The following LPCAT2 variants were observed in gnomAD, a reference collection of about 807,000 sequenced individuals.
LPCAT2 encodes 1-AGP acyltransferase 11.
In LPCAT2, 58 loss-of-function variants were observed where a neutral mutation model predicts 64.7. That is an observed-to-expected ratio of 0.90 (90% CI 0.73 to 1.12). The LOEUF is 1.12. Among genes scored for constraint, LPCAT2 ranks in the 50% most tolerant of loss-of-function variants. The probability of loss-of-function intolerance (pLI) is 0.00; values close to 1 mark genes in which losing one functional copy is unlikely to be tolerated. For synonymous variants in LPCAT2, 252 were observed against 245.3 expected, an observed-to-expected ratio of 1.03 and a Z score of -0.26; for missense variants, 579 against 669.8, an observed-to-expected ratio of 0.86 and a Z score of 1.50.
intron 9 of LPCAT2, among the ~76,000 whole-genome samples, chr16:55,548,057 C>T (rs979757161): frequency 6.6e-6 from 1 of 152,056 alleles, no homozygotes; most frequent in East Asian, 1.9e-4. Context: ...CGTGAGCCAC[C>T]GCACCTGGCC....
At chr16:55,557,794 G>A (rs1466951508) in intron 11 of LPCAT2, among the ~76,000 whole-genome samples, 4 of 152,018 alleles carry the variant, frequency 2.6e-5, no homozygotes, top group African/African-American at 9.7e-5. Flanking sequence ...CTTCCCACCT[G>A]CATTCTTGGT....
intron 12 of LPCAT2, among the ~76,000 whole-genome samples, chr16:55,578,302 T>C (rs527339525): frequency 6.6e-6 from 1 of 152,298 alleles, no homozygotes; most frequent in South Asian, 2.1e-4. Flanking sequence ...AATCTCTTCT[T>C]TACTCCTGGC....
Position 55,567,335 on chromosome 16 carries a change from T to C in LPCAT2, c.1216-7296T>C, listed in dbSNP as rs746031102. 3 of 1,613,632 alleles carry C rather than the reference T, an allele frequency of 1.9e-6. No homozygotes were observed. The South Asian group carries it at 3.3e-5, about 18-fold the overall frequency. On this transcript the variant is annotated intron_variant, in intron 11 of 13. Transcript: ENST00000262134. ...TAAATGAACAACTTTACCAAATGAT[T>C]GTCCGCCGGTATGCTAATGAAGATG...
rs189849545 is a variant in LPCAT2 at position 55,519,283 on chromosome 16, G to A, written c.172-6225G>A. 2.9e-3 allele frequency among the ~76,000 whole-genome samples: 447 copies of A among 151,946 alleles called. 3 individuals carry two copies. Among genetic ancestry groups the A allele is most frequent in the Non-Finnish European group, 2.8e-3 (187 of 67,956 alleles). On this transcript the variant is annotated intron_variant, in intron 1 of 13. Coordinates refer to ENST00000262134, the MANE Select transcript of LPCAT2 (RefSeq NM_017839.5). Reference sequence around the variant, plus strand: ...TGGGAGGCCGAGGTGGGCGGATCACGGGGTCAGGACATTGAGACCATCTTG... The same window carrying A: ...TGGGAGGCCGAGGTGGGCGGATCACAGGGTCAGGACATTGAGACCATCTTG...
intron 11 of LPCAT2, among the ~76,000 whole-genome samples, chr16:55,553,363 T>C (rs1414708806): frequency 1.3e-5 from 2 of 152,232 alleles, no homozygotes; most frequent in African/African-American, 4.8e-5. Context: ...TAAGTTCATG[T>C]AACAGTCTAA....
intron 11 of LPCAT2, among the ~76,000 whole-genome samples, chr16:55,556,704 C>A (rs547059774): frequency 3.9e-5 from 6 of 152,136 alleles, no homozygotes; most frequent in African/African-American, 1.4e-4. Flanking sequence ...GCCGCGATTG[C>A]GCCACTGCAC....
chr16:55,560,814 C>A (rs1963627592), intron 11 of LPCAT2, among the ~76,000 whole-genome samples: 1 of 151,974 alleles, frequency 6.6e-6, no homozygotes, highest in South Asian at 2.1e-4. Context: ...AAAAATAATT[C>A]TCTTGAGGCA....
rs748604860 is a variant in LPCAT2, at chr16:55,509,231, C to T, written c.50C>T (p.Ala17Val). 15 of 1,464,834 alleles carry T rather than the reference C, an allele frequency of 1.0e-5. No homozygotes were observed. In the Admixed American group the frequency reaches 1.8e-4, roughly 18 times the overall value. The allele number at this position is 1,464,834 out of a possible 1,614,324, so 90.7% of individuals were successfully genotyped here. A position where few individuals can be genotyped will look rare whatever the true frequency, so the allele number is the denominator to read the frequency against. The change falls in exon 1 of 14, where the codon GCC becomes GTC. Residue 17 changes from alanine (A) to valine (V), a missense_variant. Transcript: ENST00000262134. ...AAEVAATVPG[A>V]GVGNVGLRPP... The stretch of plus-strand genomic sequence containing the variant: ...GAAGTGGCGGCCACAGTGCCAGGTG[C>T]CGGCGTCGGGAACGTGGGGCTGCGG...
chr16:55,577,061 G>A (rs1238042976), intron 12 of LPCAT2, among the ~76,000 whole-genome samples: 1 of 152,138 alleles, frequency 6.6e-6, no homozygotes, highest in Non-Finnish European at 1.5e-5. Context: ...ACTGAGTCCT[G>A]GCAATTACTG....
chr16:55,562,356 C>T (rs915161627), intron 11 of LPCAT2, among the ~76,000 whole-genome samples: 2 of 151,888 alleles, frequency 1.3e-5, no homozygotes, highest in South Asian at 2.1e-4. Context: ...AAATGTTCTC[C>T]TTTCCTTTGC....
intron 1 of LPCAT2, among the ~76,000 whole-genome samples, chr16:55,523,715 G>A (rs1230093913): frequency 1.3e-5 from 2 of 151,836 alleles, no homozygotes; most frequent in South Asian, 4.1e-4. Context: ...AACATCTAGA[G>A]CAGGTAAAAC....
At chr16:55,511,116 A>G (rs1452888600) in intron 1 of LPCAT2, among the ~76,000 whole-genome samples, 3 of 152,198 alleles carry the variant, frequency 2.0e-5, no homozygotes, top group Non-Finnish European at 4.4e-5. Context: ...ACATTGGAAT[A>G]TTAATAACTC....
In LPCAT2 at chr16:55,545,782, C is replaced by G. The variant is rs775895145; in HGVS notation, c.900C>G (p.Val300=). Residue 300 remains valine, a synonymous_variant, in exon 9 of 14, where the codon GTC becomes GTG. Transcript: ENST00000262134. Reference sequence around the variant, plus strand: ...ATGATGAAGAAAAAAATGATCCTGTCCTTTTTGCCAATAAAGTCCGGAATT... The same window carrying G: ...ATGATGAAGAAAAAAATGATCCTGTGCTTTTTGCCAATAAAGTCCGGAATT... The part of the protein sequence containing the change: ...VPNDEEKNDP[V]LFANKVRNLM... 4.3e-6 allele frequency: 7 copies of G among 1,612,846 alleles called. No individual in the cohort carries two copies. The Admixed American group carries it at 1.2e-4, about 27-fold the overall frequency.
Position 55,549,393 on chromosome 16 carries a change from G to T in LPCAT2, c.1052G>T (p.Arg351Leu). Residue 351 changes from arginine (R) to leucine (L), a missense_variant, in exon 10 of 14, where the codon CGA becomes CTA. By Grantham distance (102) the Arg-to-Leu change is moderately radical. Transcript: ENST00000262134. ...AGLVEFTKISRKLKLDWDGVR... is the reference protein window; with the variant it reads ...AGLVEFTKISLKLKLDWDGVR... ...CTGGTGGAATTTACTAAAATTAGCC[G>T]AAAATTGAAGTAAGTGTATTTTAAA... 1.3e-6 allele frequency: 2 copies of T among 1,587,764 alleles called. No homozygotes were observed.
intron 6 of LPCAT2, among the ~76,000 whole-genome samples, chr16:55,533,832 G>A (rs1288817695): frequency 3.3e-5 from 5 of 152,042 alleles, no homozygotes; most frequent in African/African-American, 1.2e-4. Flanking sequence ...AGATTTTTGA[G>A]GGAATGTTTT....
intron 11 of LPCAT2, among the ~76,000 whole-genome samples, chr16:55,568,460 A>C (rs1963732613): frequency 6.6e-6 from 1 of 152,228 alleles, no homozygotes. Flanking sequence ...AGTTAAATGG[A>C]ATGTAAACCA....
chr16:55,539,255 T>C (rs1963366061), intron 8 of LPCAT2: 1 of 149,980 alleles, frequency 6.7e-6, no homozygotes, highest in African/African-American at 2.5e-5. Flanking sequence ...TTCTTTTTTT[T>C]TTTCTGTCTT....
intron 11 of LPCAT2, among the ~76,000 whole-genome samples, chr16:55,563,107 T>C (rs549060022): frequency 6.6e-6 from 1 of 152,018 alleles, no homozygotes; most frequent in South Asian, 2.1e-4. Flanking sequence ...CGAACAACTG[T>C]ATGCCAACAG....
chr16:55,531,942 CT>C lies in LPCAT2; in HGVS notation c.672del (p.Asn225IlefsTer5). On this transcript the variant is annotated frameshift_variant, in exon 5 of 14. Transcript: ENST00000262134. LOFTEE classifies it high-confidence loss of function. ...CTAGTTTTCCCAGAAGGTACTTGTA[CT>C]AATCGTTCCTGTTTGATTACTTTTA... ...QILVFPEGTC[T>X]NRSCLITFKP... 6.3e-7 allele frequency: 1 copy of C among 1,590,982 alleles called. No homozygotes were observed.
Sources: gnomAD v4.1 joint callset for allele counts (sites outside exome capture counted in the v4.1 genomes callset) on GRCh38, gnomAD v4.1.1 for gene constraint, MANE v1.5 for transcripts, NCBI Gene and HGNC (gene_info 2026-07-23, HGNC 2026-07-21) for gene names.